Variants in SI observed in about 807,000 individuals in gnomAD.
SI encodes sucrase-isomaltase, also known as sucrase-isomaltase, intestinal.
Under a neutral mutation model 253.3 loss-of-function variants are expected in SI, and 235 were observed. That is an observed-to-expected ratio of 0.93 (90% CI 0.83 to 1.03). The LOEUF (loss-of-function observed/expected upper bound fraction) is 1.03, where lower values mean the gene tolerates loss of function less well. Ranked by LOEUF, SI falls within the 50% of genes least tolerant of loss-of-function variation. The pLI, the probability that SI is intolerant of heterozygous loss-of-function variation, is 0.00. For synonymous variants in SI, 819 were observed against 712.0 expected, an observed-to-expected ratio of 1.15 and a Z score of -2.39; for missense variants, 2,442 against 2,211.1, an observed-to-expected ratio of 1.10 and a Z score of -2.09.
In SI at chr3:165,049,262, A is replaced by C. The variant is rs775690508; in HGVS notation, c.1598-18T>G. Reference sequence around the variant, plus strand: ...AAGAATATCTTTGAGAAAATACATAAGAAACATTTCTTATATTTTTCCATT... The same window carrying C: ...AAGAATATCTTTGAGAAAATACATACGAAACATTTCTTATATTTTTCCATT... On this transcript the variant is annotated intron_variant, in intron 14 of 47. Coordinates refer to ENST00000264382, the MANE Select transcript of SI (RefSeq NM_001041.4). 1 of 1,300,450 alleles carries C rather than the reference A, an allele frequency of 7.7e-7. No individual in the cohort carries two copies. The highest frequency in any genetic ancestry group is 1.2e-5 in the South Asian group (1 of 83,774). The allele number at this position is 1,300,450 out of a possible 1,614,324, so 80.6% of individuals were successfully genotyped here.
intron 37 of SI, among the ~76,000 whole-genome samples, chr3:165,003,002 G>T (rs1286339924): frequency 1.3e-5 from 2 of 151,670 alleles, no homozygotes; most frequent in Non-Finnish European, 3.0e-5. Flanking sequence ...TCATAATTTT[G>T]CTTAAAAGTG....
In SI at chr3:165,036,496, T is replaced by C. The variant is rs753206109; in HGVS notation, c.2427-19A>G. 9 of 1,534,600 alleles carry C rather than the reference T, an allele frequency of 5.9e-6. No homozygotes were observed. The highest frequency in any genetic ancestry group is 7.2e-6 in the Non-Finnish European group (8 of 1,108,884). On this transcript the variant is annotated intron_variant, in intron 21 of 47. Transcript: ENST00000264382. The stretch of plus-strand genomic sequence containing the variant: ...CTTACGGCTGTTAAGAAAAATTAGG[T>C]GCATATATGGTTAAAAATAAATCCA...
chr3:165,019,257 C>T (rs990411377), intron 28 of SI, among the ~76,000 whole-genome samples: 5 of 151,828 alleles, frequency 3.3e-5, no homozygotes, highest in African/African-American at 1.2e-4. Context: ...TCAAGGAAAA[C>T]TTTAGGCAGT....
At chr3:164,998,321 C>A (rs922009902) in intron 38 of SI, among the ~76,000 whole-genome samples, 1 of 151,760 alleles carries the variant, frequency 6.6e-6, no homozygotes, top group Non-Finnish European at 1.5e-5. Flanking sequence ...AACAATGACA[C>A]CATTTCCTCA....
At chr3:165,042,836 G>C (rs1439223457) in intron 17 of SI, among the ~76,000 whole-genome samples, 1 of 151,978 alleles carries the variant, frequency 6.6e-6, no homozygotes, top group African/African-American at 2.4e-5. Flanking sequence ...AAATATTTGT[G>C]CTGTGAATAC....
chr3:165,017,787 C>A lies in SI; in HGVS notation c.3607G>T (p.Glu1203Ter), dbSNP rs1472845399. The change falls in exon 30 of 48, where the codon GAA becomes TAA. Residue 1203 changes from glutamate (E) to a stop codon, truncating the protein, a stop_gained. Transcript: ENST00000264382. LOFTEE classifies it high-confidence loss of function. ...TCATGGTATTGCTTTGTTGCAACTTCTGGAGTTGGGCCCAAAAACATATAA... is the reference window on the plus strand; with the variant it reads ...TCATGGTATTGCTTTGTTGCAACTTATGGAGTTGGGCCCAAAAACATATAA... Reference protein sequence around the residue: ...DFYMFLGPTPEVATKQYHEVI... With the variant: ...DFYMFLGPTP 1.2e-6 allele frequency: 2 copies of A among 1,612,700 alleles called. No individual in the cohort carries two copies. Among genetic ancestry groups the A allele is most frequent in the African/African-American group, 2.7e-5 (2 of 74,818 alleles).
At chr3:164,987,099 C>A in intron 45 of SI, 39 bp downstream of exon 45, 1 of 1,391,156 alleles carries the variant, frequency 7.2e-7, no homozygotes, top group Non-Finnish European at 1.0e-6. Flanking sequence ...TGATAGAATA[C>A]GACATCAATT....
chr3:165,065,960 T>G (rs920402142), intron 6 of SI, among the ~76,000 whole-genome samples: 1 of 152,076 alleles, frequency 6.6e-6, no homozygotes, highest in Admixed American at 6.6e-5. Flanking sequence ...TTGTATGCTT[T>G]TATTTTTATT....
intron 38 of SI, among the ~76,000 whole-genome samples, chr3:164,998,212 T>C (rs1463780190): frequency 1.3e-5 from 2 of 151,846 alleles, no homozygotes; most frequent in Non-Finnish European, 2.9e-5. Flanking sequence ...TTTTTAATAA[T>C]AGCTATGAAA....
At chr3:165,052,700 C>T (rs1713495282) in intron 13 of SI, among the ~76,000 whole-genome samples, 1 of 151,950 alleles carries the variant, frequency 6.6e-6, no homozygotes, top group South Asian at 2.1e-4. Context: ...GAGAATGTAC[C>T]TCAAGTTTCT....
intron 26 of SI, among the ~76,000 whole-genome samples, chr3:165,022,535 TCACACACACACA>T (rs10686237): frequency 5.8e-5 from 8 of 137,934 alleles, no homozygotes; most frequent in South Asian, 2.4e-4. Flanking sequence ...TTGTGCCATC[TCACACACACACA>T]CACACACACA....
chr3:165,038,099 C>A, intron 20 of SI, 75 bp from the exon 21 acceptor site: 1 of 1,343,358 alleles, frequency 7.4e-7, no homozygotes, highest in South Asian at 1.2e-5. Flanking sequence ...AATTAAAAGG[C>A]ATTTTTATTA....
chr3:165,005,962 T>C (rs918087568), intron 37 of SI, among the ~76,000 whole-genome samples: 2 of 152,248 alleles, frequency 1.3e-5, no homozygotes, highest in African/African-American at 4.8e-5. Flanking sequence ...TAATAAAGAA[T>C]TGATTTTCAG....
chr3:165,080,108 T>C (rs1025844265), upstream of SI, among the ~76,000 whole-genome samples: 1 of 151,990 alleles, frequency 6.6e-6, no homozygotes, highest in African/African-American at 2.4e-5. Context: ...ATCCATACAA[T>C]AGCAAACTAC....
At chr3:165,049,267 C>G (rs531460115) in intron 14 of SI, 23 bp from the exon 15 acceptor site, 2 of 1,230,770 alleles carry the variant, frequency 1.6e-6, no homozygotes, top group Admixed American at 3.4e-5. Context: ...ACATAAGAAA[C>G]ATTTCTTATA....
intron 37 of SI, among the ~76,000 whole-genome samples, chr3:165,005,671 C>T (rs1718470749): frequency 6.6e-6 from 1 of 152,138 alleles, no homozygotes; most frequent in East Asian, 1.9e-4. Flanking sequence ...TCCTGAGTCA[C>T]ACTAGACACA....
intron 22 of SI, among the ~76,000 whole-genome samples, chr3:165,034,521 A>G (rs944026743): frequency 1.3e-5 from 2 of 151,996 alleles, no homozygotes; most frequent in Non-Finnish European, 2.9e-5. Flanking sequence ...CTATGTACTA[A>G]GTTTTGGCTT....
chr3:165,046,457 A>G (rs1713121668), intron 16 of SI, among the ~76,000 whole-genome samples: 1 of 152,032 alleles, frequency 6.6e-6, no homozygotes, highest in Non-Finnish European at 1.5e-5. Context: ...ATCTTTTAAA[A>G]TCTAAACTGG....
At chr3:165,047,521 T>A (rs1380674115) in intron 15 of SI, among the ~76,000 whole-genome samples, 1 of 152,102 alleles carries the variant, frequency 6.6e-6, no homozygotes, top group Non-Finnish European at 1.5e-5. Context: ...ATATCAATTT[T>A]GTATTTTGTT....
Sources: gnomAD v4.1 joint callset for allele counts (sites outside exome capture counted in the v4.1 genomes callset) on GRCh38, gnomAD v4.1.1 for gene constraint, MANE v1.5 for transcripts, NCBI Gene and HGNC (gene_info 2026-07-23, HGNC 2026-07-21) for gene names.